Variants in PDZD8 observed in about 807,000 individuals in gnomAD.
PDZD8 encodes PDZ domain-containing protein 8.
In PDZD8, 14 loss-of-function variants were observed where a neutral mutation model predicts 85.8. The observed-to-expected ratio is 0.16, with a 90% CI of 0.11 to 0.26. PDZD8 has a LOEUF of 0.26. PDZD8 is among the 10% of genes least tolerant of loss of function. The pLI, the probability that PDZD8 is intolerant of heterozygous loss-of-function variation, is 1.00. For synonymous variants in PDZD8, 592 were observed against 568.6 expected, an observed-to-expected ratio of 1.04 and a Z score of -0.59; for missense variants, 1,197 against 1,424.3, an observed-to-expected ratio of 0.84 and a Z score of 2.57.
At chr10:117,354,661 T>C (rs556116029) in intron 1 of PDZD8, among the ~76,000 whole-genome samples, 2 of 152,300 alleles carry the variant, frequency 1.3e-5, no homozygotes, top group African/African-American at 4.8e-5. Flanking sequence ...CACAACACTA[T>C]ATCCTTTCTA....
chr10:117,280,720 A>G lies in PDZD8; in HGVS notation c.*2548T>C, dbSNP rs757037945. 6.6e-6 allele frequency: 1 copy of G among 152,234 alleles called. No individual in the cohort carries two copies. The highest frequency in any genetic ancestry group is 1.5e-5 in the Non-Finnish European group (1 of 68,048). The allele number at this position is 152,234 out of a possible 1,614,324, so 9.4% of individuals were successfully genotyped here. On this transcript the variant is annotated 3_prime_UTR_variant, in exon 5 of 5. Transcript: ENST00000334464. ...AAATATTGCACTACATTACAGATAT[A>G]GTTTACAAATGTCATTAGCAGCATT... is the stretch of plus-strand genomic sequence containing the variant.
chr10:117,317,552 A>C (rs1445253248), intron 3 of PDZD8, among the ~76,000 whole-genome samples: 1 of 152,234 alleles, frequency 6.6e-6, no homozygotes, highest in African/African-American at 2.4e-5. Context: ...AAAATATTAG[A>C]ACTGTCTAAT....
At chr10:117,316,142 T>C (rs555026500) in intron 3 of PDZD8, among the ~76,000 whole-genome samples, 1 of 152,332 alleles carries the variant, frequency 6.6e-6, no homozygotes, top group South Asian at 2.1e-4. Flanking sequence ...AGGATTCTCA[T>C]GAGGAATCTT....
In PDZD8 at chr10:117,283,514, A is replaced by C; in HGVS notation, c.3219T>G (p.Leu1073=). The part of the protein sequence containing the change: ...ETTDTRKKSL[L]SAALAKSGER... ...CACCTGATTTAGCTAAGGCAGCAGA[A>C]AGAAGTGATTTTTTCCTTGTATCAG... The change falls in exon 5 of 5, where the codon CTT becomes CTG. Residue 1073 remains leucine (L), a synonymous_variant. Coordinates refer to ENST00000334464, the MANE Select transcript of PDZD8 (RefSeq NM_173791.5). The C allele has an allele frequency of 1.2e-6, 2 of 1,614,264 alleles. No homozygotes were observed. Among genetic ancestry groups the C allele is most frequent in the Non-Finnish European group, 1.7e-6 (2 of 1,180,050 alleles).
chr10:117,342,167 G>A (rs891569098), intron 1 of PDZD8, among the ~76,000 whole-genome samples: 2 of 152,100 alleles, frequency 1.3e-5, no homozygotes, highest in African/African-American at 2.4e-5. Flanking sequence ...CACTAATATT[G>A]TTGTTTTTAT....
intron 2 of PDZD8, among the ~76,000 whole-genome samples, chr10:117,319,481 C>T (rs1348055037): frequency 2.0e-5 from 3 of 151,716 alleles, no homozygotes; most frequent in Admixed American, 2.0e-4. Flanking sequence ...AACTTCTCTA[C>T]GCTAAGCCCA....
intron 3 of PDZD8, among the ~76,000 whole-genome samples, chr10:117,300,069 C>A (rs1021168032): frequency 6.6e-6 from 1 of 152,048 alleles, no homozygotes; most frequent in Non-Finnish European, 1.5e-5. Context: ...GAAACCCCCC[C>A]CATGTCAAAT....
chr10:117,367,750 A>G (rs1487332867), intron 1 of PDZD8, among the ~76,000 whole-genome samples: 1 of 152,126 alleles, frequency 6.6e-6, no homozygotes, highest in Non-Finnish European at 1.5e-5. Flanking sequence ...CCTGCCCAAC[A>G]TGGCAAAACC....
chr10:117,351,401 A>G (rs538602306), intron 1 of PDZD8, among the ~76,000 whole-genome samples: 1 of 152,336 alleles, frequency 6.6e-6, no homozygotes, highest in African/African-American at 2.4e-5. Context: ...TACATACAGT[A>G]TGATTCAATT....
At chr10:117,291,473 G>A (rs1285107915) in intron 3 of PDZD8, among the ~76,000 whole-genome samples, 1 of 151,012 alleles carries the variant, frequency 6.6e-6, no homozygotes, top group African/African-American at 2.4e-5. Context: ...AGGTTGAAGT[G>A]AGCTGAGATC....
rs539880561 is a variant in PDZD8 at position 117,294,981 on chromosome 10, G to C, written c.1099-4633C>G. Among the ~76,000 whole-genome samples, 67 of 152,254 alleles carry C rather than the reference G, an allele frequency of 4.4e-4. No homozygotes were observed. In the Middle Eastern group the frequency reaches 0.02, roughly 46 times the overall value. On this transcript the variant is annotated intron_variant, in intron 3 of 4. Transcript: ENST00000334464. ...ATAATGTATTGTATATTCCAAAATA[G>C]CTGGAAGAGATTATTTTTAATATTT...
At chr10:117,351,587 T>C (rs1425107288) in intron 1 of PDZD8, among the ~76,000 whole-genome samples, 1 of 152,244 alleles carries the variant, frequency 6.6e-6, no homozygotes, top group African/African-American at 2.4e-5. Context: ...GCTGATTTCA[T>C]GAGTTTGTTC....
chr10:117,356,904 C>G (rs1844905010), intron 1 of PDZD8, among the ~76,000 whole-genome samples: 1 of 152,052 alleles, frequency 6.6e-6, no homozygotes, highest in Non-Finnish European at 1.5e-5. Context: ...AATCTTTTAT[C>G]TTTCAAAAAA....
chr10:117,311,765 CAG>C (rs1844040545), intron 3 of PDZD8, among the ~76,000 whole-genome samples: 1 of 151,816 alleles, frequency 6.6e-6, no homozygotes, highest in Non-Finnish European at 1.5e-5. Flanking sequence ...AAACAGGAGA[CAG>C]TGAGGACACT....
At chr10:117,370,054 T>C (rs535157170) in intron 1 of PDZD8, among the ~76,000 whole-genome samples, 1 of 152,254 alleles carries the variant, frequency 6.6e-6, no homozygotes, top group African/African-American at 2.4e-5. Context: ...AAAAGAACAT[T>C]AGTGGTAATC....
chr10:117,334,216 G>A (rs1174090295), intron 2 of PDZD8, among the ~76,000 whole-genome samples: 1 of 152,218 alleles, frequency 6.6e-6, no homozygotes, highest in Non-Finnish European at 1.5e-5. Context: ...AGGGCACAGG[G>A]CTTCATGCCT....
At position 117,308,708 on chromosome 10, in the gene PDZD8, C is replaced by T. The variant is rs1401452947; in HGVS notation, c.1098+10164G>A. Among the ~76,000 whole-genome samples, 10 of 152,050 alleles carry T rather than the reference C, an allele frequency of 6.6e-5. No individual in the cohort carries two copies. In the South Asian group the frequency reaches 1.2e-3, roughly 19 times the overall value. On this transcript the variant is annotated intron_variant, in intron 3 of 4. Coordinates refer to ENST00000334464, the MANE Select transcript of PDZD8 (RefSeq NM_173791.5). ...AACATCAGCTGTGGAGTCACACTGC[C>T]TGGGTTTGCAGACTGTTTTTACTGC...
Position 117,284,135 on chromosome 10 carries a change from A to G in PDZD8, c.2598T>C (p.Ala866=). Residue 866 remains alanine, a synonymous_variant, in exon 5 of 5, where the codon GCT becomes GCC. Transcript: ENST00000334464. ...YCKKKVWTKA[A]SQCMFCAYVC... is the part of the protein sequence containing the mutation. ...CATAAGCACAAAACATACACTGGGA[A>G]GCTGCTTTAGTCCAAACTTTTTTCT... 6.2e-7 allele frequency: 1 copy of G among 1,614,196 alleles called. No individual in the cohort carries two copies. The highest frequency in any genetic ancestry group is 1.6e-4 in the Middle Eastern group (1 of 6,062).
intron 3 of PDZD8, among the ~76,000 whole-genome samples, chr10:117,315,240 G>A (rs906788101): frequency 5.3e-5 from 8 of 152,124 alleles, no homozygotes; most frequent in Non-Finnish European, 8.8e-5. Context: ...AGAAGGCACA[G>A]GCAGACTAGC....
Sources: allele counts gnomAD v4.1 joint callset (sites outside exome capture counted in the v4.1 genomes callset), GRCh38; gene constraint gnomAD v4.1.1; transcripts MANE v1.5; gene names NCBI Gene and HGNC (gene_info 2026-07-23, HGNC 2026-07-21).